SLC25A27: variants seen among roughly 807,000 people sequenced by gnomAD.
The protein encoded by SLC25A27 is solute carrier family 25 member 27.
Under a neutral mutation model 49.1 loss-of-function variants are expected in SLC25A27, and 35 were observed. The ratio of observed to expected loss-of-function variants is 0.71; its 90% CI spans 0.54 to 0.95. The LOEUF is 0.95. Ranked by LOEUF, SLC25A27 falls within the 40% of genes least tolerant of loss-of-function variation. The probability of loss-of-function intolerance (pLI) is 0.00; values close to 1 mark genes in which losing one functional copy is unlikely to be tolerated. For missense variants in SLC25A27, 339 were observed against 397.1 expected, an observed-to-expected ratio of 0.85 and a Z score of 1.24; for synonymous variants, 144 against 136.9, an observed-to-expected ratio of 1.05 and a Z score of -0.36.
chr6:46,667,646 G>T (rs1763366103), intron 5 of SLC25A27, among the ~76,000 whole-genome samples: 1 of 152,120 alleles, frequency 6.6e-6, no homozygotes, highest in Admixed American at 6.6e-5. Flanking sequence ...CTACAGGGTT[G>T]TTTTCTCATG....
At chr6:46,663,292 G>A (rs1236524928) in intron 4 of SLC25A27, among the ~76,000 whole-genome samples, 1 of 152,166 alleles carries the variant, frequency 6.6e-6, no homozygotes, top group African/African-American at 2.4e-5. Context: ...GTCTGCAGCT[G>A]AGCCAGAGGC....
intron 1 of SLC25A27, among the ~76,000 whole-genome samples, chr6:46,655,587 G>C (rs1762953083): frequency 9.7e-6 from 1 of 102,674 alleles, no homozygotes; most frequent in Non-Finnish European, 1.8e-5. Flanking sequence ...AGTGATCCAG[G>C]ATGCTCTTGC....
rs573996660 is a variant in SLC25A27, at chr6:46,660,769, T to C, written c.384-1607T>C. Among the ~76,000 whole-genome samples, 117 of 152,322 alleles carry C rather than the reference T, an allele frequency of 7.7e-4. 1 individual carries two copies. The highest frequency in any genetic ancestry group is 3.4e-3 in the Middle Eastern group (1 of 294). On this transcript the variant is annotated intron_variant, in intron 3 of 8. Transcript: ENST00000371347. ...GTAGAGTTTCACCTTTCAGGCAACA[T>C]TTCTTTATCTTGTTTTTGAAAAATT...
In SLC25A27 at chr6:46,676,722, CACT is replaced by C; in HGVS notation, c.*269_*271del. ...TTCTAAAGAAGAATCGAAGCCTGACCACTTTCACCTTGGGCAAGAAGGTTTGGC... is the reference window on the plus strand; with the variant it reads ...TTCTAAAGAAGAATCGAAGCCTGACCTTCACCTTGGGCAAGAAGGTTTGGC... On this transcript the variant is annotated 3_prime_UTR_variant, in exon 9 of 9. Transcript: ENST00000371347. 1 of 1,536,468 alleles carries C rather than the reference CACT, an allele frequency of 6.5e-7. No individual in the cohort carries two copies. Among genetic ancestry groups the C allele is most frequent in the Middle Eastern group, 1.7e-4 (1 of 5,970 alleles).
rs140354056 is a variant in SLC25A27 at position 46,660,230 on chromosome 6, C to CTGTGTGTGTGTGTGTGTGTGTGTG, written c.383+1207_383+1208insGTGTGTGTGTGTGTGTGTGTGTGT. Among the ~76,000 whole-genome samples the CTGTGTGTGTGTGTGTGTGTGTGTG allele has an allele frequency of 3.8e-3, 557 of 147,402 alleles. 10 individuals are homozygous for CTGTGTGTGTGTGTGTGTGTGTGTG. The highest frequency in any genetic ancestry group is 0.013 in the African/African-American group (515 of 39,524). On this transcript the variant is annotated intron_variant, in intron 3 of 8. Coordinates refer to ENST00000371347, the MANE Select transcript of SLC25A27 (RefSeq NM_004277.5). ...ACCAAACTGTTCTTCACCTCTGTGT[C>CTGTGTGTGTGTGTGTGTGTGTGTG]TGTGTGTGTGTGTGTGTGTGTGTAT...
chr6:46,670,330 T>C, intron 7 of SLC25A27, 103 bp downstream of exon 7: 1 of 789,294 alleles, frequency 1.3e-6, no homozygotes. Flanking sequence ...TGTATTTGTG[T>C]GTTTTTTGAG....
chr6:46,678,029 A>AG lies in SLC25A27; in HGVS notation c.*1575_*1576insG, dbSNP rs1562046038. On this transcript the variant is annotated 3_prime_UTR_variant, in exon 9 of 9. Transcript: ENST00000371347. ...TCAATATGTAATTGCGTTGTAAAAT[A>AG]TTATATATATATATATATATATATA... The AG allele has an allele frequency of 2.3e-5, 1 of 43,520 alleles. No individual in the cohort carries two copies. The highest frequency in any genetic ancestry group is 4.5e-5 in the Non-Finnish European group (1 of 22,124). The allele number at this position is 43,520 out of a possible 1,614,324, so 2.7% of individuals were successfully genotyped here. A position where few individuals can be genotyped will look rare whatever the true frequency, so the allele number is the denominator to read the frequency against.
intron 4 of SLC25A27, among the ~76,000 whole-genome samples, chr6:46,663,865 G>A (rs192726254): frequency 1.3e-5 from 2 of 152,064 alleles, no homozygotes; most frequent in Non-Finnish European, 2.9e-5. Flanking sequence ...TGGTTTCTTC[G>A]AATGTAAATT....
chr6:46,656,436 C>T (rs1762982520), intron 2 of SLC25A27, among the ~76,000 whole-genome samples: 1 of 151,836 alleles, frequency 6.6e-6, no homozygotes, highest in Admixed American at 6.6e-5. Context: ...ACCTTTGTCT[C>T]CCGAGTTCAA....
At chr6:46,665,472 T>C (rs1763291501) in intron 5 of SLC25A27, among the ~76,000 whole-genome samples, 1 of 151,988 alleles carries the variant, frequency 6.6e-6, no homozygotes, top group Non-Finnish European at 1.5e-5. Context: ...GATCACGAGC[T>C]CAGGAGATCG....
intron 2 of SLC25A27, chr6:46,658,654 G>A (rs572454644): frequency 8.2e-5 from 33 of 404,232 alleles, no homozygotes; most frequent in South Asian, 7.2e-4. Flanking sequence ...AAAGGTCAGA[G>A]AGCAGTTTCT....
chr6:46,660,224 C>CTGTGTGTGTGTGTGTGTG (rs1293267506), intron 3 of SLC25A27, among the ~76,000 whole-genome samples: 4 of 22,916 alleles, frequency 1.7e-4, no homozygotes, highest in South Asian at 2.1e-3. Flanking sequence ...TTCTTCACCT[C>CTGTGTGTGTGTGTGTGTG]TGTGTCTGTG....
chr6:46,664,820 G>C lies in SLC25A27; in HGVS notation c.553G>C (p.Gly185Arg). 2 of 1,609,178 alleles carry C rather than the reference G, an allele frequency of 1.2e-6. No individual in the cohort carries two copies. Among genetic ancestry groups the C allele is most frequent in the Non-Finnish European group, 1.7e-6 (2 of 1,177,440 alleles). Residue 185 changes from glycine (G) to arginine (R), a missense_variant, in exon 5 of 9, where the codon GGA (glycine) becomes CGA (arginine). Transcript: ENST00000371347. ...HAFAKILAEGGIRGLWAGWVP... is the reference protein window; with the variant it reads ...HAFAKILAEGRIRGLWAGWVP... ...ATTTGCAAAAATCTTAGCTGAAGGAGGAATACGAGGGCTTTGGGCAGGCTG... is the reference window on the plus strand; with the variant it reads ...ATTTGCAAAAATCTTAGCTGAAGGACGAATACGAGGGCTTTGGGCAGGCTG...
intron 7 of SLC25A27, chr6:46,670,434 T>G: frequency 2.0e-6 from 1 of 496,084 alleles, no homozygotes; most frequent in Non-Finnish European, 3.5e-6. Context: ...ATCATATTAT[T>G]TAGACACAAG....
intron 2 of SLC25A27, among the ~76,000 whole-genome samples, chr6:46,657,065 C>G (rs1240292715): frequency 1.3e-5 from 2 of 152,150 alleles, no homozygotes; most frequent in African/African-American, 2.4e-5. Flanking sequence ...ACTTGGGAGG[C>G]TGAGGTGTGA....
chr6:46,671,199 A>G lies in SLC25A27; in HGVS notation c.871A>G (p.Lys291Glu). The G allele has an allele frequency of 6.3e-7, 1 of 1,592,440 alleles. No individual in the cohort carries two copies. ...AGGTGAAGGATTCATGAGTCTATAT[A>G]AAGGCTTTTTACCATCTTGGCTGAG... is the stretch of plus-strand genomic sequence containing the variant. The part of the protein sequence containing the change: ...VQGEGFMSLY[K>E]GFLPSWLRMT... The change falls in exon 8 of 9, where the codon AAA (lysine) becomes GAA (glutamate). Residue 291 changes from lysine to glutamate, a missense_variant. Lys to Glu is a moderately conservative substitution (Grantham distance 56, BLOSUM62 1). Coordinates refer to ENST00000371347, the MANE Select transcript of SLC25A27 (RefSeq NM_004277.5).
intron 2 of SLC25A27, among the ~76,000 whole-genome samples, chr6:46,657,840 C>T (rs1763037058): frequency 6.6e-6 from 1 of 152,236 alleles, no homozygotes; most frequent in African/African-American, 2.4e-5. Flanking sequence ...AAATGCAACA[C>T]AGGTGATTTT....
At chr6:46,665,617 C>T (rs911926952) in intron 5 of SLC25A27, among the ~76,000 whole-genome samples, 4 of 151,950 alleles carry the variant, frequency 2.6e-5, no homozygotes, top group African/African-American at 9.7e-5. Flanking sequence ...ACCCGGGAGG[C>T]GAAGCTTGCA....
rs1269152760 is a variant in SLC25A27 at position 46,652,988 on chromosome 6, C to G, written c.-205C>G. ...CTGGGCTCCGCTGTGTTTTTCTATT[C>G]TGGGGTGTAAGGGGCAGCTGGACCA... On this transcript the variant is annotated 5_prime_UTR_variant, in exon 1 of 9. Transcript: ENST00000371347. 8.4e-6 allele frequency: 5 copies of G among 594,848 alleles called. No homozygotes were observed. The highest frequency in any genetic ancestry group is 5.6e-5 in the African/African-American group (3 of 53,274). 36.8% of individuals were successfully genotyped at this position (594,848 alleles called of 1,614,324 possible).
Sources: allele counts gnomAD v4.1 joint callset (sites outside exome capture counted in the v4.1 genomes callset), GRCh38; gene constraint gnomAD v4.1.1; transcripts MANE v1.5; gene names NCBI Gene and HGNC (gene_info 2026-07-23, HGNC 2026-07-21).